The following POLR3C variants were observed in gnomAD, a reference collection of about 807,000 sequenced individuals.
POLR3C encodes RNA polymerase III subunit C, also known as DNA-directed RNA polymerase III subunit RPC3.
Under a neutral mutation model 65.9 loss-of-function variants are expected in POLR3C, and 44 were observed. The observed-to-expected ratio is 0.67, with a 90% CI of 0.52 to 0.86. The LOEUF is 0.86. Ranked by LOEUF, POLR3C falls within the 40% of genes least tolerant of loss-of-function variation. The pLI is 0.00. For missense variants in POLR3C, 576 were observed against 653.2 expected (o/e 0.88, Z 1.29); for synonymous variants, 263 against 231.6 (o/e 1.14, Z -1.23).
At chr1:145,840,830 T>C in intron 13 of POLR3C, 92 bp from the exon 14 acceptor site, 1 of 823,254 alleles carries the variant, frequency 1.2e-6, no homozygotes, top group Non-Finnish European at 2.0e-6. Flanking sequence ...ATCAGGAAAA[T>C]GGTAAAGGGT....
rs949431581 is a variant in POLR3C at position 145,844,227 on chromosome 1, A to C, written c.*1807A>C. On this transcript the variant is annotated 3_prime_UTR_variant, in exon 15 of 15. Coordinates refer to ENST00000334163, the MANE Select transcript of POLR3C (RefSeq NM_006468.8). ...ATACCTGCACTCCCATGTTTATTGC[A>C]GCAGTATTCACGATAGCCAAAACAT... is the stretch of plus-strand genomic sequence containing the variant. Among the ~76,000 whole-genome samples the C allele has an allele frequency of 8.5e-5, 13 of 152,226 alleles. No individual in the cohort carries two copies. Among genetic ancestry groups the C allele is most frequent in the Non-Finnish European group, 1.9e-4 (13 of 68,034 alleles).
At chr1:145,829,729 T>G (rs1196816592) in intron 5 of POLR3C, among the ~76,000 whole-genome samples, 1 of 152,184 alleles carries the variant, frequency 6.6e-6, no homozygotes, top group African/African-American at 2.4e-5. Context: ...TGACTTTATC[T>G]CTTAAACATG....
In POLR3C at chr1:145,833,353, A is replaced by C. The variant is rs1553727716; in HGVS notation, c.772A>C (p.Arg258=). 6.2e-7 allele frequency: 1 copy of C among 1,607,460 alleles called. No individual in the cohort carries two copies. Among genetic ancestry groups the C allele is most frequent in the East Asian group, 2.2e-5 (1 of 44,854 alleles). ...DQAIVSAVAN[R]MDQTSSEIVR... ...AGCCATTGTGAGCGCAGTTGCTAACAGGATGGACCAGGTAATACCTAAGTG... is the reference window on the plus strand; with the variant it reads ...AGCCATTGTGAGCGCAGTTGCTAACCGGATGGACCAGGTAATACCTAAGTG... The change falls in exon 6 of 15, where the codon AGG becomes CGG. Residue 258 remains arginine, a synonymous_variant. Transcript: ENST00000334163.
chr1:145,836,381 A>T (rs1025416486), intron 7 of POLR3C, 113 bp from the exon 8 acceptor site: 7 of 712,584 alleles, frequency 9.8e-6, no homozygotes, highest in Admixed American at 4.2e-5. Flanking sequence ...CAGCCTCCCA[A>T]AGTGTTCGGA....
intron 7 of POLR3C, 79 bp from the exon 8 acceptor site, chr1:145,836,415 C>A: frequency 1.2e-6 from 1 of 840,252 alleles, no homozygotes; most frequent in Non-Finnish European, 2.1e-6. Context: ...CCACTGTGCC[C>A]GGCCTAAAAC....
In POLR3C at chr1:145,836,819, AGTTT is replaced by A; in HGVS notation, c.966_969del (p.Phe322LeufsTer20). 1.9e-6 allele frequency: 3 copies of A among 1,582,096 alleles called. No homozygotes were observed. Among genetic ancestry groups the A allele is most frequent in the Non-Finnish European group, 2.6e-6 (3 of 1,152,400 alleles). ...ACTCTCTCTTTTTCTTAATAGCTAGAGTTTGTTGGAAAGTCTGGCGACAGTGGTG... is the reference window on the plus strand; with the variant it reads ...ACTCTCTCTTTTTCTTAATAGCTAGAGTTGGAAAGTCTGGCGACAGTGGTG... On this transcript the variant is annotated frameshift_variant, in exon 9 of 15. Transcript: ENST00000334163. LOFTEE classifies it high-confidence loss of function.
At chr1:145,826,792 C>G (rs1553725905) in intron 3 of POLR3C, 28 bp from the exon 4 acceptor site, 1 of 1,604,042 alleles carries the variant, frequency 6.2e-7, no homozygotes, top group South Asian at 1.1e-5. Context: ...TAGGCCATCT[C>G]ATCTGCCTTT....
At chr1:145,833,132 T>C (rs970125285) in intron 5 of POLR3C, 128 bp from the exon 6 acceptor site, 7 of 602,790 alleles carry the variant, frequency 1.2e-5, no homozygotes, top group African/African-American at 7.4e-5. Flanking sequence ...TCTACATGAC[T>C]GAATGATTTT....
At chr1:145,835,099 C>A in intron 7 of POLR3C, among the ~76,000 whole-genome samples, 1 of 139,588 alleles carries the variant, frequency 7.2e-6, no homozygotes, top group Non-Finnish European at 1.5e-5. Flanking sequence ...CAACTATGAT[C>A]ATGCCACTGC....
In POLR3C at chr1:145,843,389, C is replaced by T. The variant is rs1291281671; in HGVS notation, c.*969C>T. Among the ~76,000 whole-genome samples, 1 of 152,076 alleles carries T rather than the reference C, an allele frequency of 6.6e-6. No homozygotes were observed. The highest frequency in any genetic ancestry group is 2.4e-5 in the African/African-American group (1 of 41,364). On this transcript the variant is annotated 3_prime_UTR_variant, in exon 15 of 15. Coordinates refer to ENST00000334163, the MANE Select transcript of POLR3C (RefSeq NM_006468.8). ...AAAGCAGTTAGATGTTTTATAATAT[C>T]TTCAGTTTTCTCTCACCAATGTGTT...
At chr1:145,840,247 A>G in intron 13 of POLR3C, 82 bp downstream of exon 13, 1 of 892,570 alleles carries the variant, frequency 1.1e-6, no homozygotes, top group East Asian at 2.5e-5. Flanking sequence ...AATAGGAATC[A>G]ATAGACGCTG....
intron 5 of POLR3C, among the ~76,000 whole-genome samples, chr1:145,832,974 A>G (rs1651459534): frequency 6.6e-6 from 1 of 152,212 alleles, no homozygotes. Flanking sequence ...GTGAGCCGAG[A>G]TCATGCCACT....
intron 5 of POLR3C, among the ~76,000 whole-genome samples, chr1:145,829,505 C>T (rs1553726629): frequency 6.6e-6 from 1 of 152,236 alleles, no homozygotes; most frequent in Admixed American, 6.5e-5. Flanking sequence ...TTCTTACCTA[C>T]TTAGTAGCCA....
At chr1:145,841,137 G>A (rs1412115616) in intron 14 of POLR3C, 66 bp downstream of exon 14, 1 of 1,392,068 alleles carries the variant, frequency 7.2e-7, no homozygotes, top group African/African-American at 1.4e-5. Flanking sequence ...TTGACCTCCT[G>A]TAACCCTCCA....
intron 11 of POLR3C, among the ~76,000 whole-genome samples, chr1:145,838,864 G>A (rs1652070481): frequency 6.6e-6 from 1 of 152,150 alleles, no homozygotes; most frequent in Admixed American, 6.5e-5. Context: ...GAGCATATGA[G>A]TAAATAGATA....
rs782771502 is a variant in POLR3C at position 145,826,943 on chromosome 1, C to G, written c.527C>G (p.Pro176Arg). ...AATTCAGACCCTGGGCCACCACCAC[C>G]TGCCCCCACACTTGTCATTAATGAA... ...TENSDPGPPP[P>R]APTLVINEKD... Residue 176 changes from proline (P) to arginine (R), a missense_variant, in exon 4 of 15, where the codon CCT becomes CGT. Transcript: ENST00000334163. The G allele has an allele frequency of 6.2e-7, 1 of 1,613,522 alleles. No homozygotes were observed. Among genetic ancestry groups the G allele is most frequent in the Non-Finnish European group, 8.5e-7 (1 of 1,179,818 alleles).
chr1:145,839,032 AG>A lies in POLR3C; in HGVS notation c.1221+828del, dbSNP rs1490790961. On this transcript the variant is annotated intron_variant, in intron 11 of 14. Coordinates refer to ENST00000334163, the MANE Select transcript of POLR3C (RefSeq NM_006468.8). ...ATGCCTGTAATCCCAGCACTTTGGG[AG>A]GCCTAGGCGGACGGATCACTTGAGG... Among the ~76,000 whole-genome samples the A allele has an allele frequency of 2.6e-5, 4 of 152,266 alleles. No homozygotes were observed. In the East Asian group the frequency reaches 5.8e-4, roughly 22 times the overall value.
rs781831605 is a variant in POLR3C, at chr1:145,840,154, C to T, written c.1362C>T (p.Thr454=). The change falls in exon 13 of 15, where the codon ACC becomes ACT. Residue 454 remains threonine (T), a synonymous_variant. Transcript: ENST00000334163. The part of the protein sequence containing the change: ...ANLIERRQFE[T]KENKRLLEKS... ...TGATAGAAAGGAGGCAATTTGAAAC[C>T]AAAGAGAATAAGTAAGTAACATTTT... 1 of 1,590,166 alleles carries T rather than the reference C, an allele frequency of 6.3e-7. No individual in the cohort carries two copies. Among genetic ancestry groups the T allele is most frequent in the Non-Finnish European group, 8.6e-7 (1 of 1,158,182 alleles).
chr1:145,828,207 G>A (rs1447844575), intron 4 of POLR3C, among the ~76,000 whole-genome samples: 2 of 152,230 alleles, frequency 1.3e-5, no homozygotes, highest in African/African-American at 4.8e-5. Flanking sequence ...TCTGATCTCA[G>A]AAGCTAATCA....
Sources: gnomAD v4.1 joint callset for allele counts (sites outside exome capture counted in the v4.1 genomes callset) on GRCh38, gnomAD v4.1.1 for gene constraint, MANE v1.5 for transcripts, NCBI Gene and HGNC (gene_info 2026-07-23, HGNC 2026-07-21) for gene names.